The following CEP112 variants were observed in gnomAD, a reference collection of about 807,000 sequenced individuals.
CEP112 encodes the protein centrosomal protein 112, also known as centrosomal protein of 112 kDa.
CEP112 carries 127 observed loss-of-function variants against 153.0 expected under a neutral mutation model. The ratio of observed to expected loss-of-function variants is 0.83; its 90% CI spans 0.72 to 0.96. CEP112 has a LOEUF of 0.96. CEP112 is among the 40% of genes least tolerant of loss of function. CEP112 has a pLI of 0.00. For synonymous variants in CEP112, 358 were observed against 374.4 expected (o/e 0.96, Z 0.51); for missense variants, 1,089 against 1,101.2 (o/e 0.99, Z 0.16).
At chr17:65,972,620 G>C (rs898551765) in intron 17 of CEP112, among the ~76,000 whole-genome samples, 1 of 152,142 alleles carries the variant, frequency 6.6e-6, no homozygotes, top group Non-Finnish European at 1.5e-5. Context: ...CAATAAAATT[G>C]ATAAACCTCT....
In CEP112 at chr17:65,937,632, C is replaced by T. The variant is rs1408370929; in HGVS notation, c.1873-9943G>A. 2.1e-3 allele frequency among the ~76,000 whole-genome samples: 206 copies of T among 99,438 alleles called. 1 individual carries two copies. The highest frequency in any genetic ancestry group is 3.6e-3 in the African/African-American group (105 of 29,350). The allele number at this position is 99,438 out of a possible 152,430, so 65.2% of individuals were successfully genotyped here. ...GGAGGGAGGTGGGGGGGTCAGCCCC[C>T]CGCCCGGCCAGCCGCCCTGTCCGGG... On this transcript the variant is annotated intron_variant, in intron 18 of 26. Coordinates refer to ENST00000535342, the MANE Select transcript of CEP112 (RefSeq NM_001199165.4).
At chr17:66,155,471 G>C (rs973592229) in intron 4 of CEP112, among the ~76,000 whole-genome samples, 1 of 151,958 alleles carries the variant, frequency 6.6e-6, no homozygotes, top group African/African-American at 2.4e-5. Flanking sequence ...TGGCTGTTTG[G>C]GCAGACATCG....
intron 24 of CEP112, among the ~76,000 whole-genome samples, chr17:65,677,506 T>C (rs991993296): frequency 6.6e-6 from 1 of 152,238 alleles, no homozygotes; most frequent in African/African-American, 2.4e-5. Flanking sequence ...GATATCTACA[T>C]GGAACATACA....
chr17:66,024,114 A>T (rs1384084809), intron 16 of CEP112, among the ~76,000 whole-genome samples: 1 of 152,142 alleles, frequency 6.6e-6, no homozygotes, highest in Non-Finnish European at 1.5e-5. Context: ...GTTAAAACTG[A>T]CCGCACCCTA....
intron 11 of CEP112, among the ~76,000 whole-genome samples, chr17:66,059,949 T>G (rs1397943208): frequency 3.3e-5 from 5 of 152,076 alleles, no homozygotes; most frequent in African/African-American, 1.2e-4. Flanking sequence ...ATATACACCA[T>G]GGAATACTAG....
intron 4 of CEP112, among the ~76,000 whole-genome samples, chr17:66,139,050 G>T (rs569359556): frequency 6.6e-6 from 1 of 151,962 alleles, no homozygotes; most frequent in African/African-American, 2.4e-5. Flanking sequence ...TAACAACCTA[G>T]ATGCACACCT....
At chr17:66,118,012 G>A (rs994167419) in intron 6 of CEP112, among the ~76,000 whole-genome samples, 2 of 152,132 alleles carry the variant, frequency 1.3e-5, no homozygotes, top group African/African-American at 2.4e-5. Flanking sequence ...AGGCAATAAA[G>A]GATGCTGACG....
At chr17:65,675,644 A>G (rs1430795413) in intron 24 of CEP112, among the ~76,000 whole-genome samples, 2 of 152,108 alleles carry the variant, frequency 1.3e-5, no homozygotes, top group Non-Finnish European at 2.9e-5. Context: ...AAAGAAAACT[A>G]TAGGCCAATA....
intron 6 of CEP112, among the ~76,000 whole-genome samples, chr17:66,111,569 G>A (rs577252476): frequency 2.0e-4 from 30 of 152,176 alleles, no homozygotes; most frequent in Admixed American, 3.9e-4. Context: ...AATGGAGCTA[G>A]AGGCTATTAC....
At chr17:65,786,865 C>G (rs2054306665) in intron 21 of CEP112, among the ~76,000 whole-genome samples, 1 of 152,122 alleles carries the variant, frequency 6.6e-6, no homozygotes, top group Admixed American at 6.5e-5. Flanking sequence ...GGATTATAAG[C>G]AAAGCTGCTA....
At chr17:65,901,095 T>C (rs1329633500) in intron 20 of CEP112, among the ~76,000 whole-genome samples, 3 of 152,208 alleles carry the variant, frequency 2.0e-5, no homozygotes, top group Non-Finnish European at 4.4e-5. Context: ...AAAATTAACA[T>C]CTTACTTAAT....
intron 17 of CEP112, among the ~76,000 whole-genome samples, chr17:65,970,157 G>T (rs559767949): frequency 6.6e-6 from 1 of 152,190 alleles, no homozygotes; most frequent in Admixed American, 6.5e-5. Flanking sequence ...CATGTGTATA[G>T]CAAACATGCA....
chr17:66,064,091 T>G (rs2067024491), intron 10 of CEP112, among the ~76,000 whole-genome samples: 1 of 152,206 alleles, frequency 6.6e-6, no homozygotes, highest in Admixed American at 6.5e-5. Context: ...CCATGAAACC[T>G]TGAGTATTTC....
At chr17:65,800,811 T>C (rs1390588156) in intron 21 of CEP112, among the ~76,000 whole-genome samples, 1 of 152,166 alleles carries the variant, frequency 6.6e-6, no homozygotes. Context: ...TCCTAGGGGG[T>C]GTGAACTAGT....
chr17:65,704,436 C>G (rs2048810863), intron 23 of CEP112, among the ~76,000 whole-genome samples: 1 of 151,956 alleles, frequency 6.6e-6, no homozygotes, highest in African/African-American at 2.4e-5. Context: ...CACACACACA[C>G]ACACACACAC....
intron 18 of CEP112, among the ~76,000 whole-genome samples, chr17:65,930,134 C>T (rs1409405231): frequency 2.0e-5 from 3 of 152,214 alleles, no homozygotes; most frequent in Admixed American, 1.3e-4. Context: ...TTCTGCTTCA[C>T]TGGTATATGG....
chr17:65,929,658 T>C (rs1039502676), intron 18 of CEP112, among the ~76,000 whole-genome samples: 1 of 152,098 alleles, frequency 6.6e-6, no homozygotes, highest in Non-Finnish European at 1.5e-5. Context: ...TCTCCTGCAG[T>C]GTAATGTCAC....
At chr17:65,821,531 TATATA>T (rs1344302159) in intron 21 of CEP112, among the ~76,000 whole-genome samples, 14 of 27,688 alleles carry the variant, frequency 5.1e-4, no homozygotes, top group East Asian at 1.4e-3. Context: ...TATATATATA[TATATA>T]TATATTTTTT....
At position 66,180,486 on chromosome 17, in the gene CEP112, T is replaced by C. The variant is rs533109980; in HGVS notation, c.106+2708A>G. ...CAATCTCTGATTTATCTAAGCATTT[T>C]CAACTTACTCTAAAATTAAATCTTG... On this transcript the variant is annotated intron_variant, in intron 2 of 26. Coordinates refer to ENST00000535342, the MANE Select transcript of CEP112 (RefSeq NM_001199165.4). Among the ~76,000 whole-genome samples, 3 of 152,250 alleles carry C rather than the reference T, an allele frequency of 2.0e-5. No homozygotes were observed. In the South Asian group the frequency reaches 6.2e-4, roughly 32 times the overall value.
Sources: allele counts gnomAD v4.1 joint callset (sites outside exome capture counted in the v4.1 genomes callset), GRCh38; gene constraint gnomAD v4.1.1; transcripts MANE v1.5; gene names NCBI Gene and HGNC (gene_info 2026-07-23, HGNC 2026-07-21).